Variants in SORBS2 observed in about 807,000 individuals in gnomAD.
The protein encoded by SORBS2 is sorbin and SH3 domain-containing protein 2.
SORBS2 carries 46 observed loss-of-function variants against 97.7 expected under a neutral mutation model. The observed-to-expected ratio is 0.47, with a 90% confidence interval of 0.37 to 0.60. The LOEUF (loss-of-function observed/expected upper bound fraction) is 0.60. Among genes scored for constraint, SORBS2 ranks in the 20% least tolerant of loss-of-function variants. The pLI, the probability that SORBS2 is intolerant of heterozygous loss-of-function variation, is 0.00. For synonymous variants in SORBS2, 476 were observed against 473.4 expected (o/e 1.01, Z -0.07); for missense variants, 1,316 against 1,282.3 (o/e 1.03, Z -0.40).
chr4:185,905,480 A>G (rs943827946), intron 1 of SORBS2, among the ~76,000 whole-genome samples: 9 of 152,240 alleles, frequency 5.9e-5, no homozygotes, highest in Non-Finnish European at 1.0e-4. Flanking sequence ...AAATGCTGGA[A>G]TTTAGAGCAA....
intron 1 of SORBS2, among the ~76,000 whole-genome samples, chr4:185,825,219 T>TA (rs1554037106): frequency 1.3e-5 from 2 of 151,746 alleles, no homozygotes; most frequent in East Asian, 3.9e-4. Context: ...TTTGTTTTTT[T>TA]TTTTACTGTA....
chr4:185,656,390 C>T lies in SORBS2; in HGVS notation c.24+225G>A, dbSNP rs548742109. ...TGTAAAGTCAAGGAGAGAAGAAAATCCCCACACTTTATCGTTAGTTCTTTT... is the reference window on the plus strand; with the variant it reads ...TGTAAAGTCAAGGAGAGAAGAAAATTCCCACACTTTATCGTTAGTTCTTTT... On this transcript the variant is annotated intron_variant, in intron 1 of 14. Coordinates refer to ENST00000418609, the Ensembl canonical transcript of SORBS2. Among the ~76,000 whole-genome samples the T allele has an allele frequency of 7.9e-5, 12 of 151,856 alleles. No individual in the cohort carries two copies. The South Asian group carries it at 2.5e-3, about 32-fold the overall frequency.
chr4:185,801,241 G>A (rs2099129004), intron 1 of SORBS2, among the ~76,000 whole-genome samples: 1 of 152,118 alleles, frequency 6.6e-6, no homozygotes, highest in Non-Finnish European at 1.5e-5. Flanking sequence ...ATATCCCATT[G>A]TGTGTATATA....
At chr4:185,813,754 C>G (rs1223784102) in intron 1 of SORBS2, among the ~76,000 whole-genome samples, 2 of 152,222 alleles carry the variant, frequency 1.3e-5, no homozygotes, top group Non-Finnish European at 2.9e-5. Flanking sequence ...CCCAAATGGA[C>G]CACCTCACTC....
intron 2 of SORBS2, among the ~76,000 whole-genome samples, chr4:185,767,495 GTC>G (rs2098942623): frequency 4.5e-5 from 2 of 44,028 alleles, no homozygotes. Flanking sequence ...GTGAGACTCT[GTC>G]TCAAAAAAAA....
In SORBS2 at chr4:185,789,396, C is replaced by T. The variant is rs538861949; in HGVS notation, c.-337-14030G>A. Reference sequence around the variant, plus strand: ...TACAAAGGTACTCAGGGATTCTATGCAATAATTATTCAAAATAAAGTCATA... The same window carrying T: ...TACAAAGGTACTCAGGGATTCTATGTAATAATTATTCAAAATAAAGTCATA... On this transcript the variant is annotated intron_variant, in intron 1 of 20. Transcript: ENST00000284776. Among the ~76,000 whole-genome samples, 10 of 151,814 alleles carry T rather than the reference C, an allele frequency of 6.6e-5. 1 individual carries two copies. In the East Asian group the frequency reaches 1.7e-3, roughly 26 times the overall value.
At chr4:185,686,760 G>C (rs971921718) in intron 2 of SORBS2, among the ~76,000 whole-genome samples, 1 of 152,226 alleles carries the variant, frequency 6.6e-6, no homozygotes, top group Non-Finnish European at 1.5e-5. Context: ...GAAAATTCCA[G>C]AATGAGAAGA....
intron 1 of SORBS2, among the ~76,000 whole-genome samples, chr4:185,841,603 A>G (rs7686451): frequency 0.96 from 146,681 of 152,236 alleles, 70,915 homozygotes; most frequent in Non-Finnish European, 1. Context: ...TTGCAGCAAC[A>G]GTGAGTAGGT....
rs10560938 is a variant in SORBS2 at position 185,854,785 on chromosome 4, A to AAGAGAGAGAGAGAGAG, written c.-337-79435_-337-79420dup. On this transcript the variant is annotated intron_variant, in intron 1 of 20. Transcript: ENST00000284776. The stretch of plus-strand genomic sequence containing the variant: ...AGAAGCTGCACAAAGAGAAATAGAG[A>AAGAGAGAGAGAGAGAG]AGAGAGAGAGAGAGAGAGAGAGAGA... 9.7e-4 allele frequency among the ~76,000 whole-genome samples: 146 copies of AAGAGAGAGAGAGAGAG among 149,788 alleles called. 1 individual carries two copies. The highest frequency in any genetic ancestry group is 3.4e-3 in the African/African-American group (138 of 40,610).
rs1459837485 is a variant in SORBS2, at chr4:185,599,366, A to G, written c.2797-5431T>C. Among the ~76,000 whole-genome samples the G allele has an allele frequency of 2.6e-5, 4 of 152,238 alleles. No individual in the cohort carries two copies. The East Asian group carries it at 7.7e-4, about 29-fold the overall frequency. On this transcript the variant is annotated intron_variant, in intron 12 of 14. Coordinates refer to ENST00000418609, the Ensembl canonical transcript of SORBS2. ...GTACCATTTAGAGTCCATGTATTTT[A>G]AAGTACTGTAGATACTATGGAACGA...
chr4:185,766,533 C>CA (rs1560886229), intron 2 of SORBS2, among the ~76,000 whole-genome samples: 2 of 151,698 alleles, frequency 1.3e-5, no homozygotes, highest in Non-Finnish European at 2.9e-5. Context: ...TTGTAATTCA[C>CA]AAAAAATATA....
intron 1 of SORBS2, among the ~76,000 whole-genome samples, chr4:185,819,794 C>T (rs1047211263): frequency 2.0e-5 from 3 of 152,166 alleles, no homozygotes; most frequent in African/African-American, 7.2e-5. Flanking sequence ...AGCACAGACT[C>T]AAAGCATTGC....
intron 4 of SORBS2, among the ~76,000 whole-genome samples, chr4:185,662,559 T>C (rs2097537409): frequency 6.6e-6 from 1 of 152,096 alleles, no homozygotes; most frequent in South Asian, 2.1e-4. Context: ...ACCAAGTAAA[T>C]GTGGAGGACG....
chr4:185,618,730 T>C, intron 8 of SORBS2, 99 bp from the exon 21 acceptor site: 1 of 610,510 alleles, frequency 1.6e-6, no homozygotes, highest in South Asian at 3.2e-5. Flanking sequence ...CCTCAGGGAA[T>C]CATCAAACAT....
chr4:185,909,380 G>A (rs1258905076), intron 1 of SORBS2, among the ~76,000 whole-genome samples: 1 of 152,118 alleles, frequency 6.6e-6, no homozygotes, highest in Non-Finnish European at 1.5e-5. Flanking sequence ...AGACTCAGAA[G>A]GGCTAGGGGT....
intron 1 of SORBS2, among the ~76,000 whole-genome samples, chr4:185,939,794 G>A (rs1280251918): frequency 6.6e-6 from 1 of 152,164 alleles, no homozygotes; most frequent in Non-Finnish European, 1.5e-5. Flanking sequence ...ACAGGCATGA[G>A]CTACCACGCC....
chr4:185,853,843 A>C (rs1194444985), intron 1 of SORBS2, among the ~76,000 whole-genome samples: 1 of 152,212 alleles, frequency 6.6e-6, no homozygotes, highest in African/African-American at 2.4e-5. Context: ...TATTTACTAA[A>C]ATGAAGGCAA....
intron 1 of SORBS2, among the ~76,000 whole-genome samples, chr4:185,844,281 C>A (rs938372650): frequency 2.0e-5 from 3 of 152,132 alleles, no homozygotes; most frequent in African/African-American, 7.2e-5. Flanking sequence ...GAACCCAATT[C>A]AAAAATGGGC....
intron 1 of SORBS2, among the ~76,000 whole-genome samples, chr4:185,831,447 G>A (rs2099205087): frequency 6.6e-6 from 1 of 152,126 alleles, no homozygotes; most frequent in South Asian, 2.1e-4. Flanking sequence ...TTACTTTAAA[G>A]GTCTTGTGCA....
Sources: gnomAD v4.1 joint callset for allele counts (sites outside exome capture counted in the v4.1 genomes callset) on GRCh38, gnomAD v4.1.1 for gene constraint, MANE v1.5 for transcripts, NCBI Gene and HGNC (gene_info 2026-07-23, HGNC 2026-07-21) for gene names.